The following SEMA3G variants were observed in gnomAD, a reference collection of about 807,000 sequenced individuals.
SEMA3G encodes the protein semaphorin 3G, also known as semaphorin-3G.
A neutral mutation model predicts 86.2 loss-of-function variants in SEMA3G; 70 were observed. The observed-to-expected ratio is 0.81, with a 90% CI of 0.67 to 0.99. The LOEUF is 0.99. SEMA3G is among the 50% of genes least tolerant of loss of function. SEMA3G has a pLI of 0.00. For synonymous variants in SEMA3G, 416 were observed against 441.4 expected (o/e 0.94, Z 0.72); for missense variants, 1,002 against 1,072.4 (o/e 0.93, Z 0.92).
At chr3:52,438,728 G>C (rs1248898326) in intron 13 of SEMA3G, 192 bp downstream of exon 13, 1 of 985,468 alleles carries the variant, frequency 1.0e-6, no homozygotes, top group Non-Finnish European at 1.2e-6. Flanking sequence ...CCCTTATCTG[G>C]ACATGGCCCC....
At position 52,442,833 on chromosome 3, in the gene SEMA3G, C is replaced by T. The variant is rs775338504; in HGVS notation, c.190G>A (p.Asp64Asn). The part of the protein sequence containing the change: ...GSLNLQAMYL[D>N]EYRDRLFLGG... ...AGAAAGAGGCGGTCTCGGTACTCATCTAGGTACATGGCCTGGAGGTTCAGG... is the reference window on the plus strand; with the variant it reads ...AGAAAGAGGCGGTCTCGGTACTCATTTAGGTACATGGCCTGGAGGTTCAGG... Residue 64 changes from aspartate (D) to asparagine (N), a missense_variant, in exon 2 of 16, where the codon GAT (aspartate) becomes AAT (asparagine). Physicochemically the swap from Asp to Asn is conservative, Grantham distance 23. Coordinates refer to ENST00000231721, the MANE Select transcript of SEMA3G (RefSeq NM_020163.3). The surrounding 1 kb of genome is among the most constrained non-coding windows in gnomAD (Gnocchi z 6.1). The T allele has an allele frequency of 6.8e-6, 11 of 1,612,838 alleles. No individual in the cohort carries two copies. In the East Asian group the frequency reaches 2.0e-4, roughly 29 times the overall value.
chr3:52,440,412 A>G lies in SEMA3G; in HGVS notation c.1108T>C (p.Tyr370His), dbSNP rs754928712. The part of the protein sequence containing the change: ...RDGPQHQWGP[Y>H]GGKVPFPRPG... ...CGAGGGAAGGGCACCTTGCCCCCATAGGGCCCCCACTGGTGCTGAGGCCCA... is the reference window on the plus strand; with the variant it reads ...CGAGGGAAGGGCACCTTGCCCCCATGGGGCCCCCACTGGTGCTGAGGCCCA... Residue 370 changes from tyrosine to histidine, a missense_variant, in exon 10 of 16, where the codon TAT (tyrosine) becomes CAT (histidine). Coordinates refer to ENST00000231721, the MANE Select transcript of SEMA3G (RefSeq NM_020163.3). 2.1e-5 allele frequency: 34 copies of G among 1,609,614 alleles called. No individual in the cohort carries two copies. The highest frequency in any genetic ancestry group is 2.7e-5 in the Non-Finnish European group (32 of 1,179,012).
At chr3:52,437,762 G>T in intron 14 of SEMA3G, 96 bp from the exon 15 acceptor site, 1 of 1,417,064 alleles carries the variant, frequency 7.1e-7, no homozygotes, top group South Asian at 1.3e-5. Context: ...CCACTAGTAT[G>T]ACAAGAACTT....
chr3:52,435,761 A>T lies in SEMA3G; in HGVS notation c.2191T>A (p.Cys731Ser). ...CCTGAGCATTCCGTGGTGCCCCTGC[A>T]CCACACGCGCTCACAGTACTCATCC... ...RVDEYCERVW[C>S]RGTTECSGCF... Residue 731 changes from cysteine to serine, a missense_variant, in exon 16 of 16, where the codon TGC becomes AGC. Cys to Ser is a moderately radical substitution (Grantham distance 112, BLOSUM62 -1). Transcript: ENST00000231721. The T allele has an allele frequency of 6.2e-7, 1 of 1,613,982 alleles. No individual in the cohort carries two copies.
chr3:52,436,549 C>CGCACACACACACAGAG (rs1328656079), intron 15 of SEMA3G, among the ~76,000 whole-genome samples: 1 of 152,236 alleles, frequency 6.6e-6, no homozygotes, highest in Non-Finnish European at 1.5e-5. Flanking sequence ...TGCACGTGCA[C>CGCACACACACACAGAG]GCACACACAC....
At position 52,441,891 on chromosome 3, in the gene SEMA3G, G is replaced by T; in HGVS notation, c.478C>A (p.Pro160Thr). 1 of 1,576,752 alleles carries T rather than the reference G, an allele frequency of 6.3e-7. No homozygotes were observed. Among genetic ancestry groups the T allele is most frequent in the South Asian group, 1.2e-5 (1 of 86,872 alleles). The change falls in exon 5 of 16, where the codon CCT (proline) becomes ACT (threonine). Residue 160 changes from proline to threonine, a missense_variant. By Grantham distance (38) the Pro-to-Thr change is conservative. Transcript: ENST00000231721. ...HRGEHVLHLE[P>T]GSVESGRGRC... ...CCCCGGCCACTTTCCACACTGCCAG[G>T]CTCCAGGTGGAGCACATGCTAGTGG...
In SEMA3G at chr3:52,438,031, G is replaced by A. The variant is rs747203080; in HGVS notation, c.1678C>T (p.Arg560Cys). The change falls in exon 14 of 16, where the codon CGC (arginine) becomes TGC (cysteine). Residue 560 changes from arginine to cysteine, a missense_variant. Transcript: ENST00000231721. ...TTGCCGTGCCGGATGTCCTGCCGGCGGAACCGGCGCTTGCCAAGGCTGGGG... is the reference window on the plus strand; with the variant it reads ...TTGCCGTGCCGGATGTCCTGCCGGCAGAACCGGCGCTTGCCAAGGCTGGGG... ...YRPSLGKRRFRRQDIRHGNPA... is the reference protein window; with the variant it reads ...YRPSLGKRRFCRQDIRHGNPA... 62 of 1,613,008 alleles carry A rather than the reference G, an allele frequency of 3.8e-5. No homozygotes were observed. The highest frequency in any genetic ancestry group is 4.5e-5 in the East Asian group (2 of 44,888).
chr3:52,435,723 G>C lies in SEMA3G; in HGVS notation c.2229C>G (p.Ser743Arg). ...CCCTGGCCTGCTTGCCCCGGCTCCGGCTCCGGAAGCAGCCTGAGCATTCCG... is the reference window on the plus strand; with the variant it reads ...CCCTGGCCTGCTTGCCCCGGCTCCGCCTCCGGAAGCAGCCTGAGCATTCCG... ...GTTECSGCFR[S>R]RSRGKQARGK... The change falls in exon 16 of 16, where the codon AGC becomes AGG. Residue 743 changes from serine (S) to arginine (R), a missense_variant. Ser to Arg is a moderately radical substitution (Grantham distance 110). Coordinates refer to ENST00000231721, the MANE Select transcript of SEMA3G (RefSeq NM_020163.3). The C allele has an allele frequency of 6.2e-7, 1 of 1,614,042 alleles. No homozygotes were observed. The highest frequency in any genetic ancestry group is 8.5e-7 in the Non-Finnish European group (1 of 1,179,998).
rs754643324 is a variant in SEMA3G, at chr3:52,435,753, G to T, written c.2199C>A (p.Gly733=). The change falls in exon 16 of 16, where the codon GGC becomes GGA. Residue 733 remains glycine (G), a synonymous_variant. Transcript: ENST00000231721. ...GGAAGCAGCCTGAGCATTCCGTGGT[G>T]CCCCTGCACCACACGCGCTCACAGT... The part of the protein sequence containing the change: ...DEYCERVWCR[G]TTECSGCFRS... The T allele has an allele frequency of 6.2e-7, 1 of 1,614,010 alleles. No homozygotes were observed. Among genetic ancestry groups the T allele is most frequent in the African/African-American group, 1.3e-5 (1 of 74,940 alleles).
chr3:52,442,678 C>T lies in SEMA3G; in HGVS notation c.277-57G>A, dbSNP rs370181899. ...CCCCTGATCTCACAGGCTCAGTTTC[C>T]CCATCTGGCCTCCCATCTGGAGGTG... On this transcript the variant is annotated intron_variant, in intron 2 of 15. Transcript: ENST00000231721. This position sits in a 1 kb window ranked among gnomAD's most constrained non-coding sequence, Gnocchi z 6.1. 2,063 of 1,613,882 alleles carry T rather than the reference C, an allele frequency of 1.3e-3. 33 individuals are homozygous for T. The South Asian group carries it at 0.021, about 16-fold the overall frequency.
rs1324098694 is a variant in SEMA3G, at chr3:52,441,007, G to A, written c.855C>T (p.Ser285=). The change falls in exon 8 of 16, where the codon AGC becomes AGT. Residue 285 remains serine (S), a synonymous_variant. Transcript: ENST00000231721. ...AGACCAGCCTGGCCTTGAGGAAAGT[G>A]CTCCATTTGTTCACCAGCACCCGCT... ...GGQRVLVNKW[S]TFLKARLVCS... is the part of the protein sequence containing the mutation. 17 of 1,604,336 alleles carry A rather than the reference G, an allele frequency of 1.1e-5. No individual in the cohort carries two copies. Among genetic ancestry groups the A allele is most frequent in the Non-Finnish European group, 1.4e-5 (17 of 1,179,560 alleles).
At chr3:52,443,037 A>T (rs1364162185) in intron 1 of SEMA3G, 130 bp from the exon 2 acceptor site, 13 of 1,538,206 alleles carry the variant, frequency 8.5e-6, no homozygotes, top group Non-Finnish European at 9.6e-6. Context: ...GTTTCCATCC[A>T]CATGGTGCTG....
At position 52,437,634 on chromosome 3, in the gene SEMA3G, C is replaced by T. The variant is rs751292339; in HGVS notation, c.1771G>A (p.Val591Ile). Residue 591 changes from valine (V) to isoleucine (I), a missense_variant, in exon 15 of 16, where the codon GTC becomes ATC. Val to Ile is a conservative substitution (Grantham distance 29). Transcript: ENST00000231721. ...EAVGLVAATM[V>I]YGTEHNSTFL... ...GTGCTATTGTGCTCCGTGCCGTAGACCATGGTGGCTGCCACAAGTCCCACT... is the reference window on the plus strand; with the variant it reads ...GTGCTATTGTGCTCCGTGCCGTAGATCATGGTGGCTGCCACAAGTCCCACT... 1 of 1,612,426 alleles carries T rather than the reference C, an allele frequency of 6.2e-7. No individual in the cohort carries two copies. Among genetic ancestry groups the T allele is most frequent in the Non-Finnish European group, 8.5e-7 (1 of 1,179,606 alleles).
chr3:52,435,747 C>G lies in SEMA3G; in HGVS notation c.2205G>C (p.Thr735=). 1 of 1,614,092 alleles carries G rather than the reference C, an allele frequency of 6.2e-7. No individual in the cohort carries two copies. The highest frequency in any genetic ancestry group is 8.5e-7 in the Non-Finnish European group (1 of 1,180,000). ...YCERVWCRGT[T]ECSGCFRSRS... Reference sequence around the variant, plus strand: ...GGCTCCGGAAGCAGCCTGAGCATTCCGTGGTGCCCCTGCACCACACGCGCT... The same window carrying G: ...GGCTCCGGAAGCAGCCTGAGCATTCGGTGGTGCCCCTGCACCACACGCGCT... Residue 735 remains threonine, a synonymous_variant, in exon 16 of 16, where the codon ACG becomes ACC. Transcript: ENST00000231721.
chr3:52,439,744 G>A lies in SEMA3G; in HGVS notation c.1403C>T (p.Ala468Val). Reference protein sequence around the residue: ...TDSGSVLKVIALQAGGSAEPE... With the variant: ...TDSGSVLKVIVLQAGGSAEPE... ...TTCAGCTGAGCCCCCTGCCTGGAGA[G>A]CGATGACTTTGAGCACAGACCCTGA... is the stretch of plus-strand genomic sequence containing the variant. The change falls in exon 12 of 16, where the codon GCT (alanine) becomes GTT (valine). Residue 468 changes from alanine to valine, a missense_variant. Transcript: ENST00000231721. 6.2e-7 allele frequency: 1 copy of A among 1,614,036 alleles called. No individual in the cohort carries two copies. The highest frequency in any genetic ancestry group is 8.5e-7 in the Non-Finnish European group (1 of 1,180,012).
chr3:52,444,652 CAG>C (rs999600969), intron 1 of SEMA3G, among the ~76,000 whole-genome samples: 3 of 150,614 alleles, frequency 2.0e-5, no homozygotes, highest in African/African-American at 4.9e-5. Flanking sequence ...CGCACACAAA[CAG>C]GGCACACGCA....
intron 1 of SEMA3G, 125 bp from the exon 2 acceptor site, chr3:52,443,032 C>T (rs1268254578): frequency 6.5e-7 from 1 of 1,539,794 alleles, no homozygotes; most frequent in Non-Finnish European, 8.7e-7. Flanking sequence ...AAAATGTTTC[C>T]ATCCACATGG....
rs35811072 is a variant in SEMA3G, at chr3:52,441,830, C to T, written c.539G>A (p.Ser180Asn). 7.5e-6 allele frequency: 12 copies of T among 1,606,702 alleles called. No individual in the cohort carries two copies. The South Asian group carries it at 1.3e-4, about 18-fold the overall frequency. The change falls in exon 5 of 16, where the codon AGC becomes AAC. Residue 180 changes from serine to asparagine, a missense_variant. Coordinates refer to ENST00000231721, the MANE Select transcript of SEMA3G (RefSeq NM_020163.3). Reference protein sequence around the residue: ...CPHEPSRPFASTFIDGELYTG... With the variant: ...CPHEPSRPFANTFIDGELYTG... ...TGGGCATCACCCACCTATGAAGGTG[C>T]TGGCAAAGGGACGGCTGGGCTCGTG...
At chr3:52,436,543 C>T (rs949808707) in intron 15 of SEMA3G, among the ~76,000 whole-genome samples, 3 of 152,232 alleles carry the variant, frequency 2.0e-5, no homozygotes, top group Admixed American at 6.5e-5. Flanking sequence ...CACACATGCA[C>T]GTGCACGCAC....
Sources: gnomAD v4.1 joint callset for allele counts (sites outside exome capture counted in the v4.1 genomes callset) on GRCh38, gnomAD v4.1.1 for gene constraint, Gnocchi (gnomAD v3.1) non-coding constraint, MANE v1.5 for transcripts, NCBI Gene and HGNC (gene_info 2026-07-23, HGNC 2026-07-21) for gene names.